The following DNMT3B variants were observed in gnomAD, a reference collection of about 807,000 sequenced individuals.
The protein encoded by DNMT3B is DNA methyltransferase 3 beta.
In DNMT3B, 37 loss-of-function variants were observed where a neutral mutation model predicts 120.2. The observed-to-expected ratio is 0.31, with a 90% CI of 0.24 to 0.40. The LOEUF (loss-of-function observed/expected upper bound fraction) is 0.40, where lower values mean the gene tolerates loss of function less well. DNMT3B is among the 10% of genes least tolerant of loss of function. The pLI is 1.00. For missense variants in DNMT3B, 878 were observed against 1,137.3 expected, an observed-to-expected ratio of 0.77 and a Z score of 3.28; for synonymous variants, 412 against 442.8, an observed-to-expected ratio of 0.93 and a Z score of 0.87.
At position 32,808,529 on chromosome 20, in the gene DNMT3B, C is replaced by G; in HGVS notation, c.*626C>G. 1 of 231,888 alleles carries G rather than the reference C, an allele frequency of 4.3e-6. No individual in the cohort carries two copies. Among genetic ancestry groups the G allele is most frequent in the Admixed American group, 5.6e-5 (1 of 17,846 alleles). The allele number at this position is 231,888 out of a possible 1,614,324, so 14.4% of individuals were successfully genotyped here. On this transcript the variant is annotated 3_prime_UTR_variant, in exon 23 of 23. Coordinates refer to ENST00000328111, the MANE Select transcript of DNMT3B (RefSeq NM_006892.4). ...ACGGGACCTATTAGAGTATTTTCCA[C>G]AATGATGATGATTTCAGCAGGGATG...
intron 3 of DNMT3B, among the ~76,000 whole-genome samples, chr20:32,783,339 A>G (rs940954840): frequency 2.6e-5 from 4 of 152,236 alleles, no homozygotes; most frequent in Admixed American, 2.0e-4. Context: ...ATGAATTTCA[A>G]ACAATTATAT....
In DNMT3B at chr20:32,808,361, C is replaced by T. The variant is rs1473430539; in HGVS notation, c.*458C>T. On this transcript the variant is annotated 3_prime_UTR_variant, in exon 23 of 23. Transcript: ENST00000328111. ...CTGGCTACTGCTCTGTGTTTACAGA[C>T]GTGTGCAGTTGTAGGCATGTAGCTA... The T allele has an allele frequency of 1.0e-5, 3 of 289,526 alleles. No homozygotes were observed. Among genetic ancestry groups the T allele is most frequent in the Non-Finnish European group, 2.0e-5 (3 of 152,380 alleles). The allele number at this position is 289,526 out of a possible 1,614,324, so 17.9% of individuals were successfully genotyped here. A position where few individuals can be genotyped will look rare whatever the true frequency, so the allele number is the denominator to read the frequency against.
chr20:32,789,045 G>A (rs1164889150), intron 7 of DNMT3B, 33 bp downstream of exon 7: 2 of 1,610,816 alleles, frequency 1.2e-6, no homozygotes, highest in Non-Finnish European at 8.5e-7. Context: ...GGTTCTGCAG[G>A]CCTGAGGCTG....
intron 4 of DNMT3B, 75 bp from the exon 5 acceptor site, chr20:32,786,427 C>T: frequency 6.2e-7 from 1 of 1,608,890 alleles, no homozygotes; most frequent in South Asian, 1.1e-5. Flanking sequence ...ACCTGAAGGC[C>T]TAATCCTTCT....
Position 32,808,047 on chromosome 20 carries a change from G to A in DNMT3B, c.*144G>A. ...CTCAGTTCCCTCTTGCTCAGTGGGG[G>A]CAGAGCCACCTGACTCTTGCAGGGG... On this transcript the variant is annotated 3_prime_UTR_variant, in exon 23 of 23. Transcript: ENST00000328111. 1 of 1,404,580 alleles carries A rather than the reference G, an allele frequency of 7.1e-7. No individual in the cohort carries two copies. The highest frequency in any genetic ancestry group is 2.5e-5 in the East Asian group (1 of 40,616). 87.0% of individuals were successfully genotyped at this position (1,404,580 alleles called of 1,614,324 possible). A position where few individuals can be genotyped will look rare whatever the true frequency, so the allele number is the denominator to read the frequency against.
intron 7 of DNMT3B, 141 bp from the exon 8 acceptor site, chr20:32,791,460 A>T (rs1278292178): frequency 1.3e-6 from 1 of 791,546 alleles, no homozygotes; most frequent in Non-Finnish European, 2.1e-6. Context: ...TTTCAAATAG[A>T]TGTCTGTGGA....
At chr20:32,777,913 T>C (rs6058883) in intron 1 of DNMT3B, among the ~76,000 whole-genome samples, 90,740 of 152,060 alleles carry the variant, frequency 0.6, 29,920 homozygotes, top group East Asian at 0.99. Context: ...TGATACACAC[T>C]CTGGATCATG....
chr20:32,774,708 T>C (rs1451869025), intron 1 of DNMT3B, among the ~76,000 whole-genome samples: 1 of 151,614 alleles, frequency 6.6e-6, no homozygotes, highest in East Asian at 1.9e-4. Flanking sequence ...TTGTCTTGTC[T>C]TGTCTTGTCT....
At chr20:32,774,054 A>ACG (rs2145874427) in intron 1 of DNMT3B, among the ~76,000 whole-genome samples, 1 of 142,346 alleles carries the variant, frequency 7.0e-6, no homozygotes, top group Admixed American at 7.7e-5. Flanking sequence ...GTGTTCTGTC[A>ACG]TGTGTTCTGC....
intron 7 of DNMT3B, among the ~76,000 whole-genome samples, chr20:32,789,649 A>G (rs181795995): frequency 1.7e-3 from 256 of 152,246 alleles, no homozygotes; most frequent in African/African-American, 5.6e-3. Context: ...ACTGGAGTGC[A>G]GTGGTGCGAT....
chr20:32,806,941 C>A (rs1467148608), intron 22 of DNMT3B, among the ~76,000 whole-genome samples: 6 of 152,086 alleles, frequency 3.9e-5, no homozygotes, highest in Non-Finnish European at 8.8e-5. Context: ...ATTTTCATTC[C>A]AGATATTTCA....
intron 1 of DNMT3B, among the ~76,000 whole-genome samples, chr20:32,763,687 AG>A: frequency 6.6e-6 from 1 of 152,306 alleles, no homozygotes; most frequent in African/African-American, 2.4e-5. Flanking sequence ...CCTTGGGCCC[AG>A]GCTTCCCGCT....
intron 1 of DNMT3B, among the ~76,000 whole-genome samples, chr20:32,764,002 A>G (rs1987141241): frequency 6.6e-6 from 1 of 152,188 alleles, no homozygotes; most frequent in Admixed American, 6.5e-5. Context: ...TGGAAACGCC[A>G]GGTGCGGACT....
rs1376823517 is a variant in DNMT3B, at chr20:32,780,418, C to G, written c.95C>G (p.Ser32Cys). 2 of 1,613,836 alleles carry G rather than the reference C, an allele frequency of 1.2e-6. No homozygotes were observed. Among genetic ancestry groups the G allele is most frequent in the Non-Finnish European group, 1.7e-6 (2 of 1,180,008 alleles). Reference sequence around the variant, plus strand: ...AACGGGGCCTGCAGCGACCAGTCCTCCGACTCGCCCCCAATCCTGGAGGCT... The same window carrying G: ...AACGGGGCCTGCAGCGACCAGTCCTGCGACTCGCCCCCAATCCTGGAGGCT... Reference protein sequence around the residue: ...LVNGACSDQSSDSPPILEAIR... With the variant: ...LVNGACSDQSCDSPPILEAIR... The change falls in exon 2 of 23, where the codon TCC becomes TGC. Residue 32 changes from serine to cysteine, a missense_variant. This residue lies in a region of DNMT3B where 287 missense variants were observed against 306.2 expected (regional missense o/e 0.94). Transcript: ENST00000328111.
intron 15 of DNMT3B, 111 bp downstream of exon 15, chr20:32,798,754 T>TGG: frequency 4.1e-6 from 6 of 1,478,442 alleles, no homozygotes; most frequent in Non-Finnish European, 5.5e-6. Flanking sequence ...TTGTACCTCT[T>TGG]GGAGCCTCAA....
chr20:32,763,752 A>T (rs1190628523), intron 1 of DNMT3B, among the ~76,000 whole-genome samples: 1 of 152,204 alleles, frequency 6.6e-6, no homozygotes, highest in African/African-American at 2.4e-5. Context: ...CCGCGCCTCC[A>T]GCTTTCCCTG....
Position 32,799,306 on chromosome 20 carries a change from A to T in DNMT3B, c.1737A>T (p.Ser579=). The change falls in exon 16 of 23, where the codon TCA becomes TCT. Residue 579 remains serine (S), a synonymous_variant. Coordinates refer to ENST00000328111, the MANE Select transcript of DNMT3B (RefSeq NM_006892.4). ...GAAGGCGGCCCATTCGAGTCCTGTCATTGTTTGATGGCATCGCGACAGGTG... is the reference window on the plus strand; with the variant it reads ...GAAGGCGGCCCATTCGAGTCCTGTCTTTGTTTGATGGCATCGCGACAGGTG... ...AARRRPIRVL[S]LFDGIATGYL... is the part of the protein sequence containing the mutation. The T allele has an allele frequency of 1.2e-6, 2 of 1,613,420 alleles. No homozygotes were observed. The highest frequency in any genetic ancestry group is 1.7e-6 in the Non-Finnish European group (2 of 1,179,792).
chr20:32,799,192 T>G, intron 15 of DNMT3B, 52 bp from the exon 16 acceptor site: 3 of 1,576,338 alleles, frequency 1.9e-6, no homozygotes, highest in Non-Finnish European at 2.6e-6. Context: ...CCTCAGAGCT[T>G]GAGTCTTTGC....
intron 12 of DNMT3B, among the ~76,000 whole-genome samples, chr20:32,796,556 A>G (rs938127130): frequency 3.3e-5 from 5 of 152,102 alleles, no homozygotes; most frequent in Non-Finnish European, 7.4e-5. Context: ...TCTGCCTGAC[A>G]TCATCCTACT....
Sources: allele counts gnomAD v4.1 joint callset (sites outside exome capture counted in the v4.1 genomes callset), GRCh38; gene constraint gnomAD v4.1.1; regional missense constraint gnomAD v4.1.1; transcripts MANE v1.5; gene names NCBI Gene and HGNC (gene_info 2026-07-23, HGNC 2026-07-21).